The following MANBAL variants were observed in gnomAD, a reference collection of about 807,000 sequenced individuals.
MANBAL encodes the protein protein MANBAL.
MANBAL carries 1 observed loss-of-function variant against 6.4 expected under a neutral mutation model. That is an observed-to-expected ratio of 0.16 (90% CI 0.06 to 0.74). The LOEUF (loss-of-function observed/expected upper bound fraction) is 0.74, where lower values mean the gene tolerates loss of function less well. Among genes scored for constraint, MANBAL ranks in the 30% least tolerant of loss-of-function variants. MANBAL has a pLI of 0.78. For missense variants in MANBAL, 100 were observed against 107.8 expected, an observed-to-expected ratio of 0.93 and a Z score of 0.32; for synonymous variants, 47 against 45.8, an observed-to-expected ratio of 1.03 and a Z score of -0.10.
intron 1 of MANBAL, among the ~76,000 whole-genome samples, chr20:37,299,707 CA>C (rs145469211): frequency 1.6e-3 from 236 of 152,190 alleles, no homozygotes; most frequent in Non-Finnish European, 2.6e-3. Context: ...TCAGTCATGC[CA>C]GGGGAAGAGG....
At chr20:37,304,137 CT>C (rs1361103959) in intron 2 of MANBAL, among the ~76,000 whole-genome samples, 1 of 152,134 alleles carries the variant, frequency 6.6e-6, no homozygotes, top group East Asian at 1.9e-4. Flanking sequence ...CTTTGTGATT[CT>C]TTTTTGGCCT....
chr20:37,290,784 G>T (rs932149342), intron 1 of MANBAL, among the ~76,000 whole-genome samples: 3 of 152,070 alleles, frequency 2.0e-5, no homozygotes, highest in African/African-American at 7.2e-5. Flanking sequence ...TTAAAAAAAA[G>T]TTGAAATAGA....
intron 2 of MANBAL, among the ~76,000 whole-genome samples, chr20:37,315,942 T>C (rs1340679379): frequency 1.3e-5 from 2 of 152,222 alleles, no homozygotes; most frequent in Non-Finnish European, 2.9e-5. Flanking sequence ...TAGTTTTGCC[T>C]CCTCACATCA....
chr20:37,308,492 T>C (rs1600915464), intron 2 of MANBAL, among the ~76,000 whole-genome samples: 1 of 152,142 alleles, frequency 6.6e-6, no homozygotes, highest in East Asian at 1.9e-4. Context: ...TGGGTTTCAG[T>C]AGAAGAAAGT....
intron 2 of MANBAL, among the ~76,000 whole-genome samples, chr20:37,307,163 A>T (rs1285201672): frequency 6.6e-6 from 1 of 152,054 alleles, no homozygotes; most frequent in East Asian, 1.9e-4. Context: ...ACACGGTTTC[A>T]CTATGTTGCC....
intron 1 of MANBAL, chr20:37,297,341 T>C (rs2069020561): frequency 6.6e-6 from 1 of 152,182 alleles, no homozygotes; most frequent in Admixed American, 6.5e-5. Context: ...GTTGGGCTCT[T>C]TCCAGAAGTC....
intron 2 of MANBAL, among the ~76,000 whole-genome samples, chr20:37,302,490 G>A (rs1273648364): frequency 1.3e-5 from 2 of 152,108 alleles, no homozygotes; most frequent in African/African-American, 2.4e-5. Flanking sequence ...TCACCTAAGC[G>A]GTTTTAGCAT....
chr20:37,310,835 G>A (rs1313263461), intron 2 of MANBAL, among the ~76,000 whole-genome samples: 6 of 152,186 alleles, frequency 3.9e-5, no homozygotes, highest in Admixed American at 3.3e-4. Context: ...GAGAGGAGGC[G>A]CAGTGCTCCC....
intron 1 of MANBAL, among the ~76,000 whole-genome samples, chr20:37,299,318 A>G (rs974449645): frequency 1.3e-5 from 2 of 152,088 alleles, no homozygotes; most frequent in African/African-American, 4.8e-5. Context: ...AGCTCAAGTG[A>G]TCTGCCCACC....
In MANBAL at chr20:37,315,083, G is replaced by A. The variant is rs1405187046; in HGVS notation, c.151-1225G>A. On this transcript the variant is annotated intron_variant, in intron 2 of 2. Transcript: ENST00000373606. ...AACATTTCCCAATCATAGTGCTGGGGGCGGCAGGGTGTGGGGGCCACGGTC... is the reference window on the plus strand; with the variant it reads ...AACATTTCCCAATCATAGTGCTGGGAGCGGCAGGGTGTGGGGGCCACGGTC... Among the ~76,000 whole-genome samples the A allele has an allele frequency of 2.0e-5, 3 of 152,350 alleles. No individual in the cohort carries two copies. In the East Asian group the frequency reaches 5.8e-4, roughly 29 times the overall value.
intron 1 of MANBAL, among the ~76,000 whole-genome samples, chr20:37,291,014 C>T (rs2068854321): frequency 6.6e-6 from 1 of 152,138 alleles, no homozygotes; most frequent in East Asian, 1.9e-4. Context: ...GAATGGCCTA[C>T]CAGCACAGTA....
At chr20:37,305,468 G>A (rs2069235690) in intron 2 of MANBAL, among the ~76,000 whole-genome samples, 1 of 152,146 alleles carries the variant, frequency 6.6e-6, no homozygotes, top group Admixed American at 6.5e-5. Context: ...GTGCGTTAAA[G>A]TCTTTTGAGG....
At chr20:37,313,507 C>T (rs932892393) in intron 2 of MANBAL, among the ~76,000 whole-genome samples, 3 of 152,088 alleles carry the variant, frequency 2.0e-5, no homozygotes, top group Non-Finnish European at 4.4e-5. Flanking sequence ...GAGTTTGAGA[C>T]CAGCTTGGCC....
intron 1 of MANBAL, among the ~76,000 whole-genome samples, chr20:37,294,007 A>G (rs2068934450): frequency 1.3e-5 from 2 of 152,228 alleles, no homozygotes; most frequent in Non-Finnish European, 2.9e-5. Flanking sequence ...AGCTGGTCGC[A>G]AACTGCCGGG....
intron 1 of MANBAL, among the ~76,000 whole-genome samples, chr20:37,291,453 C>T (rs1199331855): frequency 2.6e-5 from 4 of 152,176 alleles, no homozygotes; most frequent in African/African-American, 7.2e-5. Flanking sequence ...TCTCTGTGAT[C>T]GTTTCTCAGA....
intron 2 of MANBAL, among the ~76,000 whole-genome samples, chr20:37,303,831 C>T (rs2069196717): frequency 6.6e-6 from 1 of 152,158 alleles, no homozygotes; most frequent in Non-Finnish European, 1.5e-5. Flanking sequence ...ACAGAAGCAC[C>T]CTTGGCCTAG....
At chr20:37,316,257 G>A (rs1215935577) in intron 2 of MANBAL, 51 bp from the exon 3 acceptor site, 1 of 1,525,108 alleles carries the variant, frequency 6.6e-7, no homozygotes, top group South Asian at 1.2e-5. Flanking sequence ...CCTTTTGCTG[G>A]CGTCAGGCTT....
chr20:37,306,221 A>G (rs1385898619), intron 2 of MANBAL, among the ~76,000 whole-genome samples: 2 of 152,198 alleles, frequency 1.3e-5, no homozygotes, highest in Non-Finnish European at 2.9e-5. Flanking sequence ...CTATAGAAAC[A>G]GGGTTTATTA....
At chr20:37,295,480 TTAAA>T (rs1287903485) in intron 1 of MANBAL, among the ~76,000 whole-genome samples, 1 of 152,244 alleles carries the variant, frequency 6.6e-6, no homozygotes, top group African/African-American at 2.4e-5. Context: ...ATTTACCTAC[TTAAA>T]TAAAGTGCTG....
Sources: gnomAD v4.1 joint callset for allele counts (sites outside exome capture counted in the v4.1 genomes callset) on GRCh38, gnomAD v4.1.1 for gene constraint, MANE v1.5 for transcripts, NCBI Gene and HGNC (gene_info 2026-07-23, HGNC 2026-07-21) for gene names.